Variants in PI4K2B observed in about 807,000 individuals in gnomAD.
PI4K2B encodes the protein phosphatidylinositol 4-kinase type 2 beta, also known as phosphatidylinositol 4-kinase type 2-beta.
PI4K2B carries 46 observed loss-of-function variants against 56.6 expected under a neutral mutation model. The observed-to-expected ratio is 0.81, with a 90% confidence interval of 0.64 to 1.04. PI4K2B has a LOEUF of 1.04. Ranked by LOEUF, PI4K2B falls within the 50% of genes least tolerant of loss-of-function variation. The probability of loss-of-function intolerance (pLI) is 0.00; values close to 1 mark genes in which losing one functional copy is unlikely to be tolerated. For synonymous variants in PI4K2B, 211 were observed against 223.8 expected, an observed-to-expected ratio of 0.94 and a Z score of 0.51; for missense variants, 556 against 607.7, an observed-to-expected ratio of 0.91 and a Z score of 0.89.
chr4:25,247,847 G>A (rs541330636), intron 1 of PI4K2B, among the ~76,000 whole-genome samples: 1 of 152,116 alleles, frequency 6.6e-6, no homozygotes, highest in East Asian at 1.9e-4. Context: ...GGGACTACAG[G>A]TACATGCCAC....
rs945411409 is a variant in PI4K2B at position 25,246,757 on chromosome 4, G to A, written c.269-5564G>A. ...TCAGGCATGGCCGGCTGCAGGTCCC[G>A]AGCCCTGCCCTGTGGGGAGGCAGCT... On this transcript the variant is annotated intron_variant, in intron 1 of 9. Coordinates refer to ENST00000264864, the MANE Select transcript of PI4K2B (RefSeq NM_018323.4). Among the ~76,000 whole-genome samples the A allele has an allele frequency of 2.4e-4, 36 of 152,154 alleles. 1 individual carries two copies. Among genetic ancestry groups the A allele is most frequent in the Admixed American group, 2.2e-3 (34 of 15,286 alleles).
chr4:25,235,315 G>C (rs966470530), intron 1 of PI4K2B, among the ~76,000 whole-genome samples: 3 of 152,192 alleles, frequency 2.0e-5, no homozygotes, highest in African/African-American at 7.2e-5. Flanking sequence ...TTGGTTTATC[G>C]CTTCACACAT....
intron 7 of PI4K2B, 58 bp downstream of exon 7, chr4:25,263,907 G>GC: frequency 1.4e-6 from 1 of 732,660 alleles, no homozygotes; most frequent in Non-Finnish European, 2.3e-6. Context: ...GAATGAGAAG[G>GC]GAAAAAAATT....
At chr4:25,271,474 AG>A (rs1326867745) in intron 9 of PI4K2B, among the ~76,000 whole-genome samples, 3 of 152,192 alleles carry the variant, frequency 2.0e-5, no homozygotes, top group Non-Finnish European at 4.4e-5. Flanking sequence ...GCTGGACAGT[AG>A]GGTACAGATT....
intron 1 of PI4K2B, among the ~76,000 whole-genome samples, chr4:25,238,653 C>T (rs1007403210): frequency 3.9e-5 from 6 of 151,992 alleles, no homozygotes; most frequent in Non-Finnish European, 7.4e-5. Context: ...CTTAAGCTGG[C>T]GCGTCTGGAG....
chr4:25,258,522 TA>T, intron 4 of PI4K2B: 1 of 531,700 alleles, frequency 1.9e-6, no homozygotes, highest in Non-Finnish European at 2.4e-6. Context: ...ATCCTATTTT[TA>T]AAATAAAATA....
chr4:25,268,136 G>A (rs1347883282), intron 7 of PI4K2B, among the ~76,000 whole-genome samples: 1 of 152,114 alleles, frequency 6.6e-6, no homozygotes. Context: ...CAAAGTATAG[G>A]TATTCATCAG....
Position 25,278,586 on chromosome 4 carries a change from G to C in PI4K2B, c.*1399G>C, listed in dbSNP as rs1188952507. 1 of 152,500 alleles carries C rather than the reference G, an allele frequency of 6.6e-6. No individual in the cohort carries two copies. Among genetic ancestry groups the C allele is most frequent in the Admixed American group, 6.6e-5 (1 of 15,262 alleles). The allele number at this position is 152,500 out of a possible 1,614,324, so 9.4% of individuals were successfully genotyped here. The stretch of plus-strand genomic sequence containing the variant: ...ATGAATGAGGATTCTGCTGCCCTGA[G>C]GGAGTTCATTGGAAACCTGCGTTCT... On this transcript the variant is annotated 3_prime_UTR_variant, in exon 10 of 10. Transcript: ENST00000264864.
At position 25,277,354 on chromosome 4, in the gene PI4K2B, A is replaced by G; in HGVS notation, c.*167A>G. On this transcript the variant is annotated 3_prime_UTR_variant, in exon 10 of 10. Transcript: ENST00000264864. ...AAAGTTTACAGTTTTTTGTCCAAAT[A>G]TTAAATTTCTATTTCAGGGAAGAAG... The G allele has an allele frequency of 1.3e-6, 1 of 745,260 alleles. No homozygotes were observed. The allele number at this position is 745,260 out of a possible 1,614,324, so 46.2% of individuals were successfully genotyped here.
At position 25,234,114 on chromosome 4, in the gene PI4K2B, C is replaced by T; in HGVS notation, c.-50C>T. ...GCGCCATGCAGAGCCCAGTCTCTGG[C>T]ACCTGGCTGCTCTGATCTGGTCTCA... On this transcript the variant is annotated 5_prime_UTR_variant, in exon 1 of 10. Coordinates refer to ENST00000264864, the MANE Select transcript of PI4K2B (RefSeq NM_018323.4). 3 of 1,250,712 alleles carry T rather than the reference C, an allele frequency of 2.4e-6. No homozygotes were observed. The highest frequency in any genetic ancestry group is 3.0e-6 in the Non-Finnish European group (3 of 993,222). 77.5% of individuals were successfully genotyped at this position (1,250,712 alleles called of 1,614,324 possible).
intron 1 of PI4K2B, among the ~76,000 whole-genome samples, chr4:25,240,010 G>A (rs549028311): frequency 6.6e-6 from 1 of 152,218 alleles, no homozygotes; most frequent in Non-Finnish European, 1.5e-5. Flanking sequence ...CCATTTGTAA[G>A]ACCATTTGTA....
intron 2 of PI4K2B, among the ~76,000 whole-genome samples, chr4:25,254,701 C>T (rs973225876): frequency 1.8e-4 from 28 of 152,258 alleles, no homozygotes; most frequent in African/African-American, 5.8e-4. Context: ...TGTGAGCCAC[C>T]GTGCCCGGCC....
chr4:25,252,252 G>A (rs76630118), intron 1 of PI4K2B, 69 bp from the exon 2 acceptor site: 27 of 1,147,024 alleles, frequency 2.4e-5, no homozygotes, highest in African/African-American at 2.1e-4. Flanking sequence ...TCCTGATACC[G>A]GCAAGCTAAT....
intron 9 of PI4K2B, among the ~76,000 whole-genome samples, chr4:25,271,162 A>G (rs1027303168): frequency 1.3e-5 from 2 of 152,208 alleles, no homozygotes; most frequent in Non-Finnish European, 2.9e-5. Flanking sequence ...CATGAGTTTT[A>G]AGTAGTTAAG....
intron 9 of PI4K2B, among the ~76,000 whole-genome samples, chr4:25,273,739 GAACAA>G (rs1207637386): frequency 1.3e-5 from 2 of 152,162 alleles, no homozygotes; most frequent in Non-Finnish European, 1.5e-5. Flanking sequence ...GCTGAAACAA[GAACAA>G]TCTCTAAAAA....
intron 1 of PI4K2B, among the ~76,000 whole-genome samples, chr4:25,239,431 G>GCAAGT (rs1560365511): frequency 1.6e-5 from 1 of 61,504 alleles, no homozygotes; most frequent in African/African-American, 3.2e-5. Context: ...GCACGGTGCC[G>GCAAGT]GCCCAGGGGG....
In PI4K2B at chr4:25,255,100, G is replaced by T. The variant is rs751745847; in HGVS notation, c.459G>T (p.Glu153Asp). Residue 153 changes from glutamate (E) to aspartate (D), a missense_variant, in exon 3 of 10, where the codon GAG (glutamate) becomes GAT (aspartate). By Grantham distance (45) the Glu-to-Asp change is conservative. Coordinates refer to ENST00000264864, the MANE Select transcript of PI4K2B (RefSeq NM_018323.4). ...GTGTGTTTAAACCCAAATCAGAAGAGCCTTATGGTCAACTCAATCCAAAAT... is the reference window on the plus strand; with the variant it reads ...GTGTGTTTAAACCCAAATCAGAAGATCCTTATGGTCAACTCAATCCAAAAT... Reference protein sequence around the residue: ...IIGVFKPKSEEPYGQLNPKWT... With the variant: ...IIGVFKPKSEDPYGQLNPKWT... 3 of 1,613,764 alleles carry T rather than the reference G, an allele frequency of 1.9e-6. No homozygotes were observed. The highest frequency in any genetic ancestry group is 2.2e-5 in the South Asian group (2 of 91,070).
intron 1 of PI4K2B, among the ~76,000 whole-genome samples, chr4:25,239,066 C>T (rs901658368): frequency 4.6e-5 from 7 of 152,270 alleles, no homozygotes; most frequent in Non-Finnish European, 1.0e-4. Context: ...CTGATTGGTG[C>T]ATTTACAAAC....
intron 1 of PI4K2B, among the ~76,000 whole-genome samples, chr4:25,249,587 G>A (rs192664247): frequency 9.0e-5 from 13 of 143,752 alleles, no homozygotes; most frequent in Admixed American, 1.5e-4. Flanking sequence ...CAGATGGGGC[G>A]GCTGCTGGGC....
Sources: gnomAD v4.1 joint callset for allele counts (sites outside exome capture counted in the v4.1 genomes callset) on GRCh38, gnomAD v4.1.1 for gene constraint, MANE v1.5 for transcripts, NCBI Gene and HGNC (gene_info 2026-07-23, HGNC 2026-07-21) for gene names.